Variants in FBXO31 observed in about 807,000 individuals in gnomAD.
The protein encoded by FBXO31 is F-box protein 31, also known as F-box only protein 31.
FBXO31 carries 24 observed loss-of-function variants against 54.4 expected under a neutral mutation model. The ratio of observed to expected loss-of-function variants is 0.44; its 90% CI spans 0.32 to 0.62. FBXO31 has a LOEUF of 0.62. Among genes scored for constraint, FBXO31 ranks in the 20% least tolerant of loss-of-function variants. The pLI, the probability that FBXO31 is intolerant of heterozygous loss-of-function variation, is 0.05. For missense variants in FBXO31, 665 were observed against 787.1 expected (o/e 0.84, Z 1.86); for synonymous variants, 388 against 335.6 (o/e 1.16, Z -1.71).
rs1233516332 is a variant in FBXO31 at position 87,338,561 on chromosome 16, C to T, written c.733-2297G>A. Among the ~76,000 whole-genome samples, 1 of 152,132 alleles carries T rather than the reference C, an allele frequency of 6.6e-6. No homozygotes were observed. Among genetic ancestry groups the T allele is most frequent in the Non-Finnish European group, 1.5e-5 (1 of 68,016 alleles). ...ACAGAAAAGGCCAGGTCTGGGTGGG[C>T]CCGAGCGTCCCATTTCTCACAAGGA... On this transcript the variant is annotated intron_variant, in intron 5 of 8. Coordinates refer to ENST00000311635, the MANE Select transcript of FBXO31 (RefSeq NM_024735.5). The surrounding 1 kb of genome is among the most constrained non-coding windows in gnomAD (Gnocchi z 4.3).
In FBXO31 at chr16:87,345,073, G is replaced by T. The variant is rs182277761; in HGVS notation, c.490-1308C>A. Among the ~76,000 whole-genome samples, 521 of 152,236 alleles carry T rather than the reference G, an allele frequency of 3.4e-3. 4 individuals are homozygous for T. The highest frequency in any genetic ancestry group is 0.012 in the African/African-American group (510 of 41,528). ...CCACAGAGGAGCCATCTGCCCAGGG[G>T]CCATGCATGCCAGGCCTGGAAGAAC... On this transcript the variant is annotated intron_variant, in intron 3 of 8. Coordinates refer to ENST00000311635, the MANE Select transcript of FBXO31 (RefSeq NM_024735.5). This position sits in a 1 kb window ranked among gnomAD's most constrained non-coding sequence, Gnocchi z 4.9.
chr16:87,340,425 A>G (rs139218054), intron 5 of FBXO31, among the ~76,000 whole-genome samples: 62 of 152,382 alleles, frequency 4.1e-4, no homozygotes, highest in Middle Eastern at 3.4e-3. Flanking sequence ...AAATTGATGT[A>G]GGAAGTGTGG....
chr16:87,382,880 C>G (rs920228894), intron 1 of FBXO31, among the ~76,000 whole-genome samples: 10 of 152,190 alleles, frequency 6.6e-5, no homozygotes, highest in African/African-American at 2.4e-4. Context: ...AGGTGACCCG[C>G]CCGCCTCGGC....
chr16:87,347,680 CAAAAAAAAA>C (rs34496343), intron 2 of FBXO31, among the ~76,000 whole-genome samples: 42 of 59,012 alleles, frequency 7.1e-4, no homozygotes, highest in Admixed American at 1.1e-3. Flanking sequence ...ACTCAGTCTC[CAAAAAAAAA>C]AAAAAAAAAA....
Position 87,336,082 on chromosome 16 carries a change from C to G in FBXO31, c.842+73G>C, listed in dbSNP as rs566431151. The G allele has an allele frequency of 7.6e-7, 1 of 1,310,776 alleles. No individual in the cohort carries two copies. Among genetic ancestry groups the G allele is most frequent in the Admixed American group, 1.8e-5 (1 of 55,610 alleles). 81.2% of individuals were successfully genotyped at this position (1,310,776 alleles called of 1,614,324 possible). ...AGACAAAGGACTATGCCCCAGCACC[C>G]ACCGGGACAGGGCTGGTCCCCAGCA... On this transcript the variant is annotated intron_variant, in intron 6 of 8. Transcript: ENST00000311635. This position sits in a 1 kb window ranked among gnomAD's most constrained non-coding sequence, Gnocchi z 6.5.
In FBXO31 at chr16:87,329,186, C is replaced by G. The variant is rs1217376015; in HGVS notation, c.*2102G>C. The G allele has an allele frequency of 6.6e-6, 1 of 152,528 alleles. No homozygotes were observed. The highest frequency in any genetic ancestry group is 1.9e-4 in the East Asian group (1 of 5,190). The allele number at this position is 152,528 out of a possible 1,614,324, so 9.4% of individuals were successfully genotyped here. A position where few individuals can be genotyped will look rare whatever the true frequency, so the allele number is the denominator to read the frequency against. On this transcript the variant is annotated 3_prime_UTR_variant, in exon 9 of 9. Coordinates refer to ENST00000311635, the MANE Select transcript of FBXO31 (RefSeq NM_024735.5). ...CTTTCCTGGCTGTGTGGCTCTGGCC[C>G]TGCCTGGCATCACTGCAGGTCACCA...
At chr16:87,357,448 G>A (rs1384488937) in intron 2 of FBXO31, among the ~76,000 whole-genome samples, 1 of 150,498 alleles carries the variant, frequency 6.6e-6, no homozygotes, top group Admixed American at 6.7e-5. Flanking sequence ...CCCCACCTCA[G>A]CCTCTGGGTA....
chr16:87,332,858 A>C (rs1471633557), intron 8 of FBXO31, among the ~76,000 whole-genome samples: 1 of 152,190 alleles, frequency 6.6e-6, no homozygotes, highest in African/African-American at 2.4e-5. Context: ...AATAACTGTA[A>C]CTTGACAATG....
intron 1 of FBXO31, among the ~76,000 whole-genome samples, chr16:87,360,679 T>G (rs1906092851): frequency 6.6e-6 from 1 of 152,198 alleles, no homozygotes; most frequent in African/African-American, 2.4e-5. Context: ...ATGAACAAGG[T>G]GAGGCAGAAT....
intron 1 of FBXO31, among the ~76,000 whole-genome samples, chr16:87,376,875 G>T (rs1037213577): frequency 1.3e-5 from 2 of 152,218 alleles, no homozygotes; most frequent in African/African-American, 4.8e-5. Context: ...TGTTAGGAAA[G>T]ATGAAGTTTC....
chr16:87,368,274 T>C (rs1292359206), intron 1 of FBXO31, among the ~76,000 whole-genome samples: 2 of 152,246 alleles, frequency 1.3e-5, no homozygotes, highest in African/African-American at 4.8e-5. Flanking sequence ...CTGACCCAAC[T>C]GCTCCTTTAA....
intron 1 of FBXO31, among the ~76,000 whole-genome samples, chr16:87,378,100 G>A (rs529986813): frequency 8.8e-4 from 133 of 151,426 alleles, no homozygotes; most frequent in African/African-American, 2.8e-3. Context: ...CAGAGGTTGC[G>A]GTGAGCCAAG....
At chr16:87,373,680 G>A (rs1023475470) in intron 1 of FBXO31, among the ~76,000 whole-genome samples, 1 of 151,910 alleles carries the variant, frequency 6.6e-6, no homozygotes, top group Non-Finnish European at 1.5e-5. Context: ...CTACAGGTGT[G>A]CACCACCACA....
At chr16:87,380,900 A>G (rs1907048713) in intron 1 of FBXO31, among the ~76,000 whole-genome samples, 1 of 152,244 alleles carries the variant, frequency 6.6e-6, no homozygotes, top group Non-Finnish European at 1.5e-5. Context: ...CGGTTGTTCT[A>G]TTCTACAGTA....
At chr16:87,344,739 C>G (rs146195126) in intron 3 of FBXO31, among the ~76,000 whole-genome samples, 3 of 152,194 alleles carry the variant, frequency 2.0e-5, no homozygotes, top group African/African-American at 7.2e-5. Context: ...TGTGAGCTGC[C>G]GGGCTGGTCT....
In FBXO31 at chr16:87,329,078, C is replaced by T. The variant is rs989890545; in HGVS notation, c.*2210G>A. On this transcript the variant is annotated 3_prime_UTR_variant, in exon 9 of 9. Transcript: ENST00000311635. ...GTCCCTACAGAACCGGAGCCAAGAA[C>T]TGGCTAAGGACACATCGGAGCGGAA... is the stretch of plus-strand genomic sequence containing the variant. 2.0e-5 allele frequency: 3 copies of T among 152,274 alleles called. No homozygotes were observed. Among genetic ancestry groups the T allele is most frequent in the African/African-American group, 7.2e-5 (3 of 41,466 alleles). The allele number at this position is 152,274 out of a possible 1,614,324, so 9.4% of individuals were successfully genotyped here. A position where few individuals can be genotyped will look rare whatever the true frequency, so the allele number is the denominator to read the frequency against.
upstream of FBXO31, chr16:87,383,860 G>A (rs1309102005): frequency 4.9e-5 from 37 of 754,694 alleles, no homozygotes; most frequent in Non-Finnish European, 5.9e-5. The surrounding 1 kb of genome is among the most constrained non-coding windows in gnomAD (Gnocchi z 4.9). Flanking sequence ...GGAGAGCCTA[G>A]CCCCGCCCCT....
intron 2 of FBXO31, among the ~76,000 whole-genome samples, chr16:87,353,307 C>T (rs1905747193): frequency 6.6e-6 from 1 of 152,172 alleles, no homozygotes; most frequent in South Asian, 2.1e-4. Context: ...CAGGATGCCC[C>T]CCTTGCCTCA....
upstream of FBXO31, among the ~76,000 whole-genome samples, chr16:87,390,897 C>G (rs912187200): frequency 6.6e-6 from 1 of 152,152 alleles, no homozygotes; most frequent in Admixed American, 6.5e-5. Flanking sequence ...CCGCCCCCCG[C>G]TATTTTCATG....
Sources: gnomAD v4.1 joint callset for allele counts (sites outside exome capture counted in the v4.1 genomes callset) on GRCh38, gnomAD v4.1.1 for gene constraint, Gnocchi (gnomAD v3.1) non-coding constraint, MANE v1.5 for transcripts, NCBI Gene and HGNC (gene_info 2026-07-23, HGNC 2026-07-21) for gene names.